CERS3: variants seen among roughly 807,000 people sequenced by gnomAD.
The protein encoded by CERS3 is LAG1 homolog, ceramide synthase 3.
A neutral mutation model predicts 50.3 loss-of-function variants in CERS3; 33 were observed. The observed-to-expected ratio is 0.66, with a 90% CI of 0.50 to 0.88. The LOEUF (loss-of-function observed/expected upper bound fraction) is 0.88. Ranked by LOEUF, CERS3 falls within the 40% of genes least tolerant of loss-of-function variation. The pLI, the probability that CERS3 is intolerant of heterozygous loss-of-function variation, is 0.00. For synonymous variants in CERS3, 176 were observed against 155.2 expected (o/e 1.13, Z -0.99); for missense variants, 470 against 460.3 (o/e 1.02, Z -0.19).
chr15:100,475,898 T>G, intron 8 of CERS3, 188 bp downstream of exon 8: 1 of 332,628 alleles, frequency 3.0e-6, no homozygotes, highest in Non-Finnish European at 5.6e-6. Context: ...AATGTTTCAC[T>G]ACAAATGTTT....
At chr15:100,484,140 T>A (rs1328194339) in intron 5 of CERS3, among the ~76,000 whole-genome samples, 1 of 152,038 alleles carries the variant, frequency 6.6e-6, no homozygotes, top group African/African-American at 2.4e-5. Context: ...CATTCTCTGC[T>A]CTTACAGTTG....
At chr15:100,530,667 C>A (rs905355206), upstream of CERS3, among the ~76,000 whole-genome samples, 2 of 152,224 alleles carry the variant, frequency 1.3e-5, no homozygotes, top group African/African-American at 4.8e-5. Context: ...ACTGGTCAAA[C>A]AATTAGTACC....
intron 2 of CERS3, among the ~76,000 whole-genome samples, chr15:100,508,047 A>G (rs1352335364): frequency 3.9e-5 from 6 of 152,226 alleles, no homozygotes. Context: ...TACATCCAGC[A>G]TCTTCCACAC....
At chr15:100,483,372 A>G (rs1038197216) in intron 5 of CERS3, among the ~76,000 whole-genome samples, 1 of 152,154 alleles carries the variant, frequency 6.6e-6, no homozygotes, top group African/African-American at 2.4e-5. Context: ...CCCCCTTCTT[A>G]AAATCTAGAA....
chr15:100,418,188 A>C (rs904386526), intron 11 of CERS3, among the ~76,000 whole-genome samples: 1 of 152,090 alleles, frequency 6.6e-6, no homozygotes, highest in Non-Finnish European at 1.5e-5. Context: ...TTTGAAAAAA[A>C]TTTAGAAGAA....
intron 11 of CERS3, among the ~76,000 whole-genome samples, chr15:100,411,542 G>A (rs145031573): frequency 9.9e-5 from 15 of 152,254 alleles, no homozygotes; most frequent in African/African-American, 3.6e-4. Flanking sequence ...GTCTCTCAAT[G>A]GTCGCTGGAT....
At chr15:100,408,939 C>A (rs1221393827) in intron 11 of CERS3, among the ~76,000 whole-genome samples, 7 of 152,136 alleles carry the variant, frequency 4.6e-5, no homozygotes, top group Non-Finnish European at 1.0e-4. Context: ...GGTTAAGTAA[C>A]TTTCACAACA....
intron 3 of CERS3, among the ~76,000 whole-genome samples, chr15:100,497,683 A>G (rs925779034): frequency 6.6e-6 from 1 of 152,130 alleles, no homozygotes; most frequent in Non-Finnish European, 1.5e-5. Context: ...GAAATAGCAT[A>G]TGGGTAAGTA....
intron 11 of CERS3, among the ~76,000 whole-genome samples, chr15:100,433,227 C>T (rs988016871): frequency 1.4e-5 from 2 of 146,088 alleles, no homozygotes; most frequent in East Asian, 2.0e-4. Flanking sequence ...TAGAGCAAGA[C>T]TCTGTCTCAA....
At chr15:100,505,563 G>C (rs1416594690) in intron 2 of CERS3, among the ~76,000 whole-genome samples, 3 of 152,186 alleles carry the variant, frequency 2.0e-5, no homozygotes, top group Non-Finnish European at 1.5e-5. Flanking sequence ...TGCAGCTTCA[G>C]AAGTATTAAG....
chr15:100,459,128 G>A (rs1290324906), intron 10 of CERS3, among the ~76,000 whole-genome samples: 1 of 152,110 alleles, frequency 6.6e-6, no homozygotes, highest in East Asian at 1.9e-4. Flanking sequence ...GCTGAATTTG[G>A]CCTTTGAGCC....
intron 11 of CERS3, among the ~76,000 whole-genome samples, chr15:100,433,321 C>T (rs1387196974): frequency 6.6e-6 from 1 of 151,972 alleles, no homozygotes; most frequent in Non-Finnish European, 1.5e-5. Context: ...ATGGTGGTAG[C>T]CTGATTACAA....
Position 100,479,926 on chromosome 15 carries a change from C to T in CERS3, c.465+63G>A, listed in dbSNP as rs924534061. The T allele has an allele frequency of 4.8e-6, 6 of 1,259,252 alleles. No individual in the cohort carries two copies. In the Admixed American group the frequency reaches 1.1e-4, roughly 23 times the overall value. The allele number at this position is 1,259,252 out of a possible 1,614,324, so 78.0% of individuals were successfully genotyped here. On this transcript the variant is annotated intron_variant, in intron 6 of 11. Coordinates refer to ENST00000679737, the MANE Select transcript of CERS3 (RefSeq NM_001378789.1). ...GAAAGTACTATACCCTAAAGGAATTCACAGACAAGAATTTCAAAAATTAAA... is the reference window on the plus strand; with the variant it reads ...GAAAGTACTATACCCTAAAGGAATTTACAGACAAGAATTTCAAAAATTAAA...
At chr15:100,424,568 G>C (rs1213489581) in intron 11 of CERS3, among the ~76,000 whole-genome samples, 1 of 152,238 alleles carries the variant, frequency 6.6e-6, no homozygotes, top group Non-Finnish European at 1.5e-5. Flanking sequence ...CAAAGAGACT[G>C]ACTGGCATTA....
chr15:100,499,240 G>A (rs1264986120), intron 3 of CERS3, among the ~76,000 whole-genome samples: 4 of 152,192 alleles, frequency 2.6e-5, no homozygotes, highest in Non-Finnish European at 5.9e-5. Context: ...TATTCCATGA[G>A]TGTTGACATT....
chr15:100,459,275 G>A (rs1388920998), intron 10 of CERS3, among the ~76,000 whole-genome samples: 3 of 152,002 alleles, frequency 2.0e-5, no homozygotes, highest in Admixed American at 6.6e-5. Context: ...ATATTAGAAA[G>A]AATACTGTGA....
intron 11 of CERS3, among the ~76,000 whole-genome samples, chr15:100,408,060 T>G (rs192313194): frequency 6.6e-6 from 1 of 152,082 alleles, no homozygotes; most frequent in Non-Finnish European, 1.5e-5. Flanking sequence ...TTAGTAGAGA[T>G]GGGGTTTCAC....
At chr15:100,404,420 G>C (rs1020655114) in intron 11 of CERS3, among the ~76,000 whole-genome samples, 4 of 152,168 alleles carry the variant, frequency 2.6e-5, no homozygotes, top group Non-Finnish European at 5.9e-5. Flanking sequence ...GGATCTGTAT[G>C]TAAAACCTAC....
intron 1 of CERS3, among the ~76,000 whole-genome samples, chr15:100,540,877 C>A (rs1354532358): frequency 6.6e-6 from 1 of 152,188 alleles, no homozygotes; most frequent in Non-Finnish European, 1.5e-5. Context: ...GATTATGTCT[C>A]TCCCCCTTTG....
Sources: allele counts gnomAD v4.1 joint callset (sites outside exome capture counted in the v4.1 genomes callset), GRCh38; gene constraint gnomAD v4.1.1; transcripts MANE v1.5; gene names NCBI Gene and HGNC (gene_info 2026-07-23, HGNC 2026-07-21).